KIF26B: variants seen among roughly 807,000 people sequenced by gnomAD.
KIF26B encodes kinesin-like protein KIF26B.
A neutral mutation model predicts 151.2 loss-of-function variants in KIF26B; 63 were observed. That is an observed-to-expected ratio of 0.42 (90% CI 0.34 to 0.51). The LOEUF (loss-of-function observed/expected upper bound fraction) is 0.51. Among genes scored for constraint, KIF26B ranks in the 20% least tolerant of loss-of-function variants. KIF26B has a pLI of 0.07. For synonymous variants in KIF26B, 1,357 were observed against 1,262.1 expected (o/e 1.08, Z -1.59); for missense variants, 2,813 against 2,913.6 (o/e 0.97, Z 0.79).
intron 10 of KIF26B, among the ~76,000 whole-genome samples, chr1:245,674,876 A>G (rs2044339250): frequency 6.6e-6 from 1 of 152,168 alleles, no homozygotes; most frequent in Non-Finnish European, 1.5e-5. Flanking sequence ...AAGTCGGCCC[A>G]AGACTACTGA....
chr1:245,206,274 G>A (rs1214883973), intron 2 of KIF26B, among the ~76,000 whole-genome samples: 1 of 152,222 alleles, frequency 6.6e-6, no homozygotes, highest in East Asian at 1.9e-4. Flanking sequence ...GTACAGATGT[G>A]GGATGTGAAG....
Position 245,686,407 on chromosome 1 carries a change from G to C in KIF26B, c.3424G>C (p.Ala1142Pro), listed in dbSNP as rs1303879104. ...CCAGGTTTTGAAAAAATCCATGTCTGCTGGGAGCGAAGGGTTCCCGGAAAC... is the reference window on the plus strand; with the variant it reads ...CCAGGTTTTGAAAAAATCCATGTCTCCTGGGAGCGAAGGGTTCCCGGAAAC... ...SPQVLKKSMS[A>P]GSEGFPETPV... The change falls in exon 12 of 15, where the codon GCT becomes CCT. Residue 1142 changes from alanine to proline, a missense_variant. Coordinates refer to ENST00000407071, the MANE Select transcript of KIF26B (RefSeq NM_018012.4). This position sits in a 1 kb window ranked among gnomAD's most constrained non-coding sequence, Gnocchi z 5.6. 4.3e-6 allele frequency: 7 copies of C among 1,613,360 alleles called. No individual in the cohort carries two copies. Among genetic ancestry groups the C allele is most frequent in the Admixed American group, 1.7e-5 (1 of 60,010 alleles).
At chr1:245,669,146 T>C (rs1269075651) in intron 10 of KIF26B, among the ~76,000 whole-genome samples, 1 of 152,182 alleles carries the variant, frequency 6.6e-6, no homozygotes, top group Non-Finnish European at 1.5e-5. Context: ...CCCCTGAAGT[T>C]TTCCCCAGCC....
Position 245,685,415 on chromosome 1 carries a change from G to C in KIF26B, c.2432G>C (p.Ser811Thr), listed in dbSNP as rs747444842. The C allele has an allele frequency of 1.2e-6, 2 of 1,610,722 alleles. No individual in the cohort carries two copies. Among genetic ancestry groups the C allele is most frequent in the Non-Finnish European group, 1.7e-6 (2 of 1,178,100 alleles). The change falls in exon 12 of 15, where the codon AGC (serine) becomes ACC (threonine). Residue 811 changes from serine (S) to threonine (T), a missense_variant. This residue lies in a region of KIF26B where 2,060 missense variants were observed against 2,088.6 expected (regional missense o/e 0.99). Transcript: ENST00000407071. The stretch of plus-strand genomic sequence containing the variant: ...CCGTCTCACTCACAGTACACATCCA[G>C]CTCGTCCGGCGGGGAGAGCTCCTGC... ...MKKKKTKYTS[S>T]SSGGESSCEE...
chr1:245,293,428 A>G (rs888272876), intron 2 of KIF26B, among the ~76,000 whole-genome samples: 3 of 152,140 alleles, frequency 2.0e-5, no homozygotes, highest in African/African-American at 4.8e-5. Context: ...CCTGACACAA[A>G]TGAACAAAGT....
intron 2 of KIF26B, among the ~76,000 whole-genome samples, chr1:245,181,220 C>T (rs1432135304): frequency 6.6e-6 from 1 of 152,068 alleles, no homozygotes; most frequent in East Asian, 1.9e-4. Context: ...TTTCTTGCTC[C>T]CTTTCTAGTA....
intron 3 of KIF26B, among the ~76,000 whole-genome samples, chr1:245,368,973 A>T (rs1032914622): frequency 1.4e-5 from 2 of 138,172 alleles, no homozygotes; most frequent in Non-Finnish European, 3.0e-5. Context: ...CGTCTCTATT[A>T]AAAAAAATAC....
chr1:245,387,650 C>T (rs1008932302), intron 3 of KIF26B, among the ~76,000 whole-genome samples: 2 of 152,092 alleles, frequency 1.3e-5, no homozygotes, highest in African/African-American at 4.8e-5. Flanking sequence ...TATGATCACG[C>T]CACTGCCCTC....
At chr1:245,313,614 G>A (rs1671705284) in intron 2 of KIF26B, among the ~76,000 whole-genome samples, 1 of 152,208 alleles carries the variant, frequency 6.6e-6, no homozygotes, top group Non-Finnish European at 1.5e-5. Flanking sequence ...TCTGTTCTGT[G>A]GAGCAGGCTC....
intron 9 of KIF26B, among the ~76,000 whole-genome samples, chr1:245,638,692 G>A (rs1013294972): frequency 4.0e-5 from 6 of 151,750 alleles, no homozygotes; most frequent in African/African-American, 9.7e-5. Flanking sequence ...TTTTCATCAC[G>A]AAGGGATATT....
intron 2 of KIF26B, among the ~76,000 whole-genome samples, chr1:245,345,243 G>A (rs1178593371): frequency 6.6e-6 from 1 of 151,992 alleles, no homozygotes; most frequent in Admixed American, 6.6e-5. Flanking sequence ...TGCCCTACCC[G>A]CAGCTGGAGT....
At chr1:245,288,151 G>A (rs997881722) in intron 2 of KIF26B, among the ~76,000 whole-genome samples, 63 of 151,944 alleles carry the variant, frequency 4.1e-4, no homozygotes, top group African/African-American at 1.5e-3. Flanking sequence ...GTATTTTCTC[G>A]GAGTCCATCT....
Position 245,489,591 on chromosome 1 carries a change from TAA to T in KIF26B, c.1167-51175_1167-51174del, listed in dbSNP as rs545514927. ...TGAAATATTTAGTTTCAGTGTTAGC[TAA>T]GTTTGTGATTTTTTAATGCAGAAAA... is the stretch of plus-strand genomic sequence containing the variant. On this transcript the variant is annotated intron_variant, in intron 4 of 14. Transcript: ENST00000407071. Among the ~76,000 whole-genome samples the T allele has an allele frequency of 7.4e-3, 1,132 of 152,356 alleles. 4 individuals carry two copies. The highest frequency in any genetic ancestry group is 0.028 in the South Asian group (136 of 4,832).
intron 3 of KIF26B, among the ~76,000 whole-genome samples, chr1:245,391,038 C>T (rs998525888): frequency 6.8e-5 from 10 of 147,294 alleles, no homozygotes; most frequent in African/African-American, 2.5e-4. Flanking sequence ...CTTTCCAATA[C>T]TAAAATATTT....
At chr1:245,403,983 C>G (rs76235239) in intron 3 of KIF26B, among the ~76,000 whole-genome samples, 3,861 of 152,158 alleles carry the variant, frequency 0.025, 167 homozygotes, top group African/African-American at 0.088. Context: ...TTGGAGATGG[C>G]CTGATTGATT....
At chr1:245,645,371 C>T (rs77145384) in intron 9 of KIF26B, among the ~76,000 whole-genome samples, 12,505 of 152,274 alleles carry the variant, frequency 0.082, 550 homozygotes, top group South Asian at 0.13. Context: ...TTCTGCAAAT[C>T]TCTAGAGCTC....
intron 2 of KIF26B, among the ~76,000 whole-genome samples, chr1:245,257,085 C>T (rs1409702348): frequency 6.6e-6 from 1 of 152,186 alleles, no homozygotes; most frequent in Non-Finnish European, 1.5e-5. Flanking sequence ...GTTTCCATAA[C>T]CCCTTATCTT....
intron 9 of KIF26B, among the ~76,000 whole-genome samples, chr1:245,640,143 C>CTATATATA (rs1166040223): frequency 1.9e-4 from 6 of 31,914 alleles, no homozygotes; most frequent in African/African-American, 4.2e-4. Flanking sequence ...CTCTCTCTCT[C>CTATATATA]TATATATATA....
At position 245,318,039 on chromosome 1, in the gene KIF26B, C is replaced by G. The variant is rs1313434172; in HGVS notation, c.466-48795C>G. ...ATTTCCAGGTTAGTGCAGCGCCTGA[C>G]CTCTCTCCAGAGGCACCCTCGTTTA... On this transcript the variant is annotated intron_variant, in intron 2 of 14. Coordinates refer to ENST00000407071, the MANE Select transcript of KIF26B (RefSeq NM_018012.4). This position sits in a 1 kb window ranked among gnomAD's most constrained non-coding sequence, Gnocchi z 4.0. Among the ~76,000 whole-genome samples the G allele has an allele frequency of 6.6e-6, 1 of 152,200 alleles. No homozygotes were observed. Among genetic ancestry groups the G allele is most frequent in the African/African-American group, 2.4e-5 (1 of 41,444 alleles).
Sources: allele counts gnomAD v4.1 joint callset (sites outside exome capture counted in the v4.1 genomes callset), GRCh38; gene constraint gnomAD v4.1.1; regional missense constraint gnomAD v4.1.1; non-coding constraint Gnocchi (gnomAD v3.1); transcripts MANE v1.5; gene names NCBI Gene and HGNC (gene_info 2026-07-23, HGNC 2026-07-21).